The following NCOA3 variants were observed in gnomAD, a reference collection of about 807,000 sequenced individuals.
NCOA3 encodes the protein nuclear receptor coactivator 3.
Under a neutral mutation model 158.8 loss-of-function variants are expected in NCOA3, and 51 were observed. That is an observed-to-expected ratio of 0.32 (90% confidence interval 0.26 to 0.41). The LOEUF (loss-of-function observed/expected upper bound fraction) is 0.41, where lower values mean the gene tolerates loss of function less well. Ranked by LOEUF, NCOA3 falls within the 10% of genes least tolerant of loss-of-function variation. NCOA3 has a pLI of 1.00. For synonymous variants in NCOA3, 537 were observed against 592.4 expected (o/e 0.91, Z 1.36); for missense variants, 1,510 against 1,746.6 (o/e 0.86, Z 2.41).
chr20:47,531,245 A>G (rs922743465), intron 1 of NCOA3, among the ~76,000 whole-genome samples: 12 of 152,198 alleles, frequency 7.9e-5, no homozygotes, highest in African/African-American at 2.9e-4. Context: ...AGGCTGAGGC[A>G]GAAGAATCGC....
At chr20:47,648,485 TTTA>T (rs1221157673) in intron 18 of NCOA3, among the ~76,000 whole-genome samples, 1 of 151,898 alleles carries the variant, frequency 6.6e-6, no homozygotes, top group Non-Finnish European at 1.5e-5. Context: ...AATTTATTTA[TTTA>T]TTATTATTTT....
At chr20:47,552,668 G>A (rs916564336) in intron 1 of NCOA3, among the ~76,000 whole-genome samples, 2 of 151,768 alleles carry the variant, frequency 1.3e-5, no homozygotes, top group South Asian at 2.1e-4. Flanking sequence ...TGTTATATAC[G>A]AACATTATAC....
chr20:47,606,715 A>G (rs1303422014), intron 2 of NCOA3, among the ~76,000 whole-genome samples: 1 of 152,138 alleles, frequency 6.6e-6, no homozygotes, highest in Non-Finnish European at 1.5e-5. Context: ...TGAAGTACCC[A>G]CTTTTTTCAT....
intron 1 of NCOA3, among the ~76,000 whole-genome samples, chr20:47,541,612 G>GCCTCAAGTTACCCTCCTGC (rs954250693): frequency 6.7e-6 from 1 of 149,744 alleles, no homozygotes; most frequent in Non-Finnish European, 1.5e-5. Flanking sequence ...CGAACTCCTG[G>GCCTCAAGTTACCCTCCTGC]CCTCAAGTTA....
At chr20:47,638,320 G>C (rs2086549746) in intron 13 of NCOA3, among the ~76,000 whole-genome samples, 1 of 152,208 alleles carries the variant, frequency 6.6e-6, no homozygotes, top group Admixed American at 6.5e-5. Flanking sequence ...TAAGGCATGA[G>C]AATCGCTTGA....
intron 1 of NCOA3, among the ~76,000 whole-genome samples, chr20:47,547,503 C>T (rs995232674): frequency 2.0e-5 from 3 of 151,936 alleles, no homozygotes; most frequent in Admixed American, 1.3e-4. Flanking sequence ...AGCTCCACCT[C>T]CCGGGTTCAC....
chr20:47,561,912 A>G (rs988873551), intron 1 of NCOA3, among the ~76,000 whole-genome samples: 1 of 151,856 alleles, frequency 6.6e-6, no homozygotes, highest in African/African-American at 2.4e-5. Flanking sequence ...TGCCCCACCT[A>G]TTCATCCCCT....
chr20:47,585,335 C>T (rs1303921231), intron 2 of NCOA3, among the ~76,000 whole-genome samples: 2 of 152,174 alleles, frequency 1.3e-5, no homozygotes, highest in African/African-American at 2.4e-5. Context: ...TGAGCCACTA[C>T]GCCTGGCCCC....
chr20:47,528,619 G>GT (rs1453771918), intron 1 of NCOA3, among the ~76,000 whole-genome samples: 1 of 151,788 alleles, frequency 6.6e-6, no homozygotes, highest in Non-Finnish European at 1.5e-5. Flanking sequence ...CTTTCTATGC[G>GT]TAACTGTTCT....
intron 9 of NCOA3, 155 bp from the exon 10 acceptor site, chr20:47,633,893 T>A (rs1024241857): frequency 2.0e-6 from 2 of 982,142 alleles, no homozygotes; most frequent in Non-Finnish European, 3.0e-6. Flanking sequence ...GATGCCTGAG[T>A]GTTCTTATTT....
intron 1 of NCOA3, among the ~76,000 whole-genome samples, chr20:47,507,457 T>C (rs2084047290): frequency 6.6e-6 from 1 of 152,220 alleles, no homozygotes; most frequent in Admixed American, 6.6e-5. Context: ...CTAATTAGTT[T>C]GTTAGTAAGT....
At chr20:47,545,898 A>G (rs1175506640) in intron 1 of NCOA3, among the ~76,000 whole-genome samples, 1 of 151,718 alleles carries the variant, frequency 6.6e-6, no homozygotes, top group African/African-American at 2.4e-5. Context: ...TATTTTTTAT[A>G]GTGATGGGGT....
chr20:47,589,113 A>G (rs1269657380), intron 2 of NCOA3, among the ~76,000 whole-genome samples: 4 of 151,976 alleles, frequency 2.6e-5, no homozygotes, highest in Admixed American at 2.0e-4. Context: ...GGCTGGTTTC[A>G]AACTCCTGAC....
intron 2 of NCOA3, among the ~76,000 whole-genome samples, chr20:47,592,455 G>A (rs1234681266): frequency 1.3e-5 from 2 of 152,158 alleles, no homozygotes; most frequent in African/African-American, 2.4e-5. Flanking sequence ...CAAGTTCAGT[G>A]ACTTTTTCTG....
chr20:47,611,022 T>C (rs1231229689), intron 2 of NCOA3, among the ~76,000 whole-genome samples: 1 of 152,204 alleles, frequency 6.6e-6, no homozygotes, highest in African/African-American at 2.4e-5. Context: ...GTTTACTTAG[T>C]GTACCATGGT....
intron 1 of NCOA3, among the ~76,000 whole-genome samples, chr20:47,560,369 G>C (rs184309085): frequency 1.1e-3 from 168 of 152,302 alleles, no homozygotes; most frequent in Middle Eastern, 6.8e-3. Flanking sequence ...GAGCCATCGT[G>C]CCCGGCCATG....
chr20:47,642,486 T>C, intron 17 of NCOA3, 102 bp downstream of exon 17: 1 of 735,844 alleles, frequency 1.4e-6, no homozygotes, highest in Non-Finnish European at 1.9e-6. Flanking sequence ...GTGTCTCTCC[T>C]AGTACTTGTG....
chr20:47,629,152 A>G (rs771376245), intron 8 of NCOA3, among the ~76,000 whole-genome samples: 6 of 152,208 alleles, frequency 3.9e-5, no homozygotes, highest in Non-Finnish European at 5.9e-5. Flanking sequence ...ATATGTATAT[A>G]TAATATACAT....
chr20:47,514,144 A>C (rs1407215004), intron 1 of NCOA3, among the ~76,000 whole-genome samples: 1 of 151,934 alleles, frequency 6.6e-6, no homozygotes, highest in Non-Finnish European at 1.5e-5. Context: ...AACTCTCTTT[A>C]AGTCAACATT....
Sources: gnomAD v4.1 joint callset for allele counts (sites outside exome capture counted in the v4.1 genomes callset) on GRCh38, gnomAD v4.1.1 for gene constraint, MANE v1.5 for transcripts, NCBI Gene and HGNC (gene_info 2026-07-23, HGNC 2026-07-21) for gene names.